Variants in TNNI3K observed in about 807,000 individuals in gnomAD.
TNNI3K encodes the protein serine/threonine-protein kinase TNNI3K.
In TNNI3K, 140 loss-of-function variants were observed where a neutral mutation model predicts 114.5. The observed-to-expected ratio is 1.22, with a 90% CI of 1.07 to 1.41. TNNI3K has a LOEUF of 1.41. TNNI3K is among the 40% of genes most tolerant of loss of function. The pLI, the probability that TNNI3K is intolerant of heterozygous loss-of-function variation, is 0.00. For missense variants in TNNI3K, 1,125 were observed against 1,007.6 expected (o/e 1.12, Z -1.58); for synonymous variants, 347 against 347.5 (o/e 1.00, Z 0.02).
At chr1:74,502,180 G>T (rs72675339) in intron 23 of TNNI3K, among the ~76,000 whole-genome samples, 69 of 152,154 alleles carry the variant, frequency 4.5e-4, no homozygotes, top group South Asian at 2.1e-3. Context: ...TTAGAAAATC[G>T]TTTTCTTTTA....
At chr1:74,286,152 G>A (rs1323445603) in intron 5 of TNNI3K, among the ~76,000 whole-genome samples, 4 of 152,116 alleles carry the variant, frequency 2.6e-5, no homozygotes, top group Non-Finnish European at 5.9e-5. Flanking sequence ...ATGCAGTTCA[G>A]TACAAATAGA....
intron 9 of TNNI3K, among the ~76,000 whole-genome samples, chr1:74,347,639 T>C (rs1187655606): frequency 6.6e-6 from 1 of 152,154 alleles, no homozygotes; most frequent in African/African-American, 2.4e-5. Flanking sequence ...TGTTCCTATT[T>C]CTCCACATCC....
chr1:74,517,530 C>A (rs1350359751), intron 23 of TNNI3K, among the ~76,000 whole-genome samples: 1 of 152,134 alleles, frequency 6.6e-6, no homozygotes, highest in African/African-American at 2.4e-5. Context: ...GCAGGAGTAG[C>A]CTTTAATAAT....
intron 23 of TNNI3K, among the ~76,000 whole-genome samples, chr1:74,534,873 G>A (rs568072259): frequency 3.3e-5 from 5 of 152,230 alleles, no homozygotes; most frequent in Non-Finnish European, 5.9e-5. Flanking sequence ...AAATGGAAAT[G>A]TAGTTCCTCC....
At chr1:74,257,824 C>T (rs12060877) in intron 4 of TNNI3K, among the ~76,000 whole-genome samples, 330 of 151,988 alleles carry the variant, frequency 2.2e-3, no homozygotes, top group African/African-American at 7.3e-3. Flanking sequence ...CCCGCCACCA[C>T]GCCCGGCTAA....
At chr1:74,415,368 A>G (rs571581103) in intron 17 of TNNI3K, among the ~76,000 whole-genome samples, 118 of 151,812 alleles carry the variant, frequency 7.8e-4, no homozygotes, top group Non-Finnish European at 1.4e-3. Flanking sequence ...TTTATTTGTT[A>G]AAAGTTCATT....
intron 5 of TNNI3K, among the ~76,000 whole-genome samples, chr1:74,321,963 G>A (rs486784): frequency 0.081 from 12,390 of 152,036 alleles, 759 homozygotes; most frequent in African/African-American, 0.17. Flanking sequence ...TTGTCAAGGA[G>A]TGGAGATTAT....
At chr1:74,412,887 T>C (rs1664952239) in intron 17 of TNNI3K, among the ~76,000 whole-genome samples, 1 of 152,204 alleles carries the variant, frequency 6.6e-6, no homozygotes, top group African/African-American at 2.4e-5. Context: ...GTGCTGAAAT[T>C]GCAGGCATGA....
At position 74,309,366 on chromosome 1, in the gene TNNI3K, CAA is replaced by C. The variant is rs71078188; in HGVS notation, c.445-22070_445-22069del. 4.2e-4 allele frequency among the ~76,000 whole-genome samples: 10 copies of C among 24,096 alleles called. 1 individual carries two copies. Among genetic ancestry groups the C allele is most frequent in the African/African-American group, 1.6e-3 (9 of 5,662 alleles). The allele number at this position is 24,096 out of a possible 152,430, so 15.8% of individuals were successfully genotyped here. A position where few individuals can be genotyped will look rare whatever the true frequency, so the allele number is the denominator to read the frequency against. On this transcript the variant is annotated intron_variant, in intron 5 of 24. Coordinates refer to ENST00000326637, the MANE Select transcript of TNNI3K (RefSeq NM_015978.3). ...CCTGGGCGACAGCGAGACTCTGTCT[CAA>C]AAAAAAAAAAAAAGAAGAGATAATA...
intron 20 of TNNI3K, among the ~76,000 whole-genome samples, chr1:74,444,225 TG>T (rs562947678): frequency 6.6e-6 from 1 of 152,206 alleles, no homozygotes; most frequent in Non-Finnish European, 1.5e-5. Flanking sequence ...ACACTGTCTC[TG>T]TTTGCAGATG....
chr1:74,479,577 C>G (rs903611980), intron 21 of TNNI3K, among the ~76,000 whole-genome samples: 6 of 152,224 alleles, frequency 3.9e-5, no homozygotes, highest in African/African-American at 1.4e-4. Flanking sequence ...CCTAGGTAAT[C>G]CAACTACAGA....
At chr1:74,454,276 T>C (rs1055679238) in intron 20 of TNNI3K, among the ~76,000 whole-genome samples, 2 of 152,192 alleles carry the variant, frequency 1.3e-5, no homozygotes, top group Non-Finnish European at 2.9e-5. Flanking sequence ...TTGTTAACTA[T>C]AGTCACTCCA....
intron 17 of TNNI3K, chr1:74,371,337 A>G (rs1466719421): frequency 6.6e-6 from 1 of 151,866 alleles, no homozygotes. Flanking sequence ...ACGTTCATAG[A>G]CTACATTCAG....
At chr1:74,380,175 C>G (rs1443323431) in intron 17 of TNNI3K, among the ~76,000 whole-genome samples, 2 of 152,142 alleles carry the variant, frequency 1.3e-5, no homozygotes, top group Non-Finnish European at 2.9e-5. Flanking sequence ...CTCACATCTT[C>G]TGTATGCCAT....
intron 5 of TNNI3K, among the ~76,000 whole-genome samples, chr1:74,299,567 A>G (rs1557483250): frequency 6.6e-6 from 1 of 152,086 alleles, no homozygotes; most frequent in Non-Finnish European, 1.5e-5. Flanking sequence ...TAAGCACTTT[A>G]CATTGATTAT....
At chr1:74,348,473 C>T (rs1410772041) in intron 9 of TNNI3K, among the ~76,000 whole-genome samples, 1 of 152,266 alleles carries the variant, frequency 6.6e-6, no homozygotes, top group African/African-American at 2.4e-5. Flanking sequence ...ATTGACTTGG[C>T]AATGCGGGCT....
In TNNI3K at chr1:74,381,789, A is replaced by G. The variant is rs369837361; in HGVS notation, c.1772+11397A>G. Among the ~76,000 whole-genome samples the G allele has an allele frequency of 2.6e-4, 40 of 152,342 alleles. No individual in the cohort carries two copies. In the East Asian group the frequency reaches 4.8e-3, roughly 18 times the overall value. Reference sequence around the variant, plus strand: ...TAGCAAGGTTATTTGATTATCCAAGATCCTTCTCAGTGATTCTTCTTCCTA... The same window carrying G: ...TAGCAAGGTTATTTGATTATCCAAGGTCCTTCTCAGTGATTCTTCTTCCTA... On this transcript the variant is annotated intron_variant, in intron 17 of 24. Coordinates refer to ENST00000326637, the MANE Select transcript of TNNI3K (RefSeq NM_015978.3).
At chr1:74,451,701 T>A (rs1241285501) in intron 20 of TNNI3K, among the ~76,000 whole-genome samples, 98 of 74,006 alleles carry the variant, frequency 1.3e-3, no homozygotes, top group Middle Eastern at 6.5e-3. Context: ...CTTTCTTTCT[T>A]TCTTTCTTTC....
At chr1:74,236,355 C>A in intron 2 of TNNI3K, 145 bp downstream of exon 2, 1 of 579,682 alleles carries the variant, frequency 1.7e-6, no homozygotes, top group Non-Finnish European at 2.9e-6. Flanking sequence ...GATTATCTCT[C>A]TTTGACCACT....
Sources: gnomAD v4.1 joint callset for allele counts (sites outside exome capture counted in the v4.1 genomes callset) on GRCh38, gnomAD v4.1.1 for gene constraint, MANE v1.5 for transcripts, NCBI Gene and HGNC (gene_info 2026-07-23, HGNC 2026-07-21) for gene names.